The following SDK2 variants were observed in gnomAD, a reference collection of about 807,000 sequenced individuals.
The protein encoded by SDK2 is sidekick cell adhesion molecule 2.
SDK2 carries 105 observed loss-of-function variants against 253.9 expected under a neutral mutation model. The observed-to-expected ratio is 0.41, with a 90% CI of 0.35 to 0.49. The LOEUF (loss-of-function observed/expected upper bound fraction) is 0.49, where lower values mean the gene tolerates loss of function less well. SDK2 is among the 20% of genes least tolerant of loss of function. The pLI, the probability that SDK2 is intolerant of heterozygous loss-of-function variation, is 0.06. For synonymous variants in SDK2, 1,249 were observed against 1,234.9 expected, an observed-to-expected ratio of 1.01 and a Z score of -0.24; for missense variants, 2,608 against 3,003.0, an observed-to-expected ratio of 0.87 and a Z score of 3.07.
chr17:73,351,612 A>G (rs143207123), intron 41 of SDK2, among the ~76,000 whole-genome samples: 58 of 152,144 alleles, frequency 3.8e-4, no homozygotes, highest in Non-Finnish European at 6.6e-4. Context: ...AAAAGGTGAA[A>G]GATTTACACG....
chr17:73,560,729 A>T (rs528228637), intron 1 of SDK2, among the ~76,000 whole-genome samples: 88 of 152,228 alleles, frequency 5.8e-4, no homozygotes, highest in African/African-American at 1.9e-3. Context: ...GAACTTCAAA[A>T]TCCAAGCACC....
In SDK2 at chr17:73,467,896, A is replaced by G. The variant is rs1396631396; in HGVS notation, c.331+4216T>C. On this transcript the variant is annotated intron_variant, in intron 3 of 44. Transcript: ENST00000392650. The surrounding 1 kb of genome is among the most constrained non-coding windows in gnomAD (Gnocchi z 4.1). ...TTTCAGGGAGCTGCAGCTGGTGGACAGGGGGAGGTTAACCTGGGTCTCTCT... is the reference window on the plus strand; with the variant it reads ...TTTCAGGGAGCTGCAGCTGGTGGACGGGGGGAGGTTAACCTGGGTCTCTCT... 6.6e-6 allele frequency among the ~76,000 whole-genome samples: 1 copy of G among 152,154 alleles called. No homozygotes were observed. Among genetic ancestry groups the G allele is most frequent in the Non-Finnish European group, 1.5e-5 (1 of 68,014 alleles).
At chr17:73,457,023 C>T (rs1040346773) in intron 3 of SDK2, among the ~76,000 whole-genome samples, 3 of 152,178 alleles carry the variant, frequency 2.0e-5, no homozygotes, top group Admixed American at 6.5e-5. Flanking sequence ...GGATCAGAAG[C>T]AGCATTTTAG....
chr17:73,630,491 TC>T (rs2046255453), intron 1 of SDK2, among the ~76,000 whole-genome samples: 2 of 149,520 alleles, frequency 1.3e-5, no homozygotes, highest in Non-Finnish European at 3.0e-5. Context: ...ACCCCCAGGT[TC>T]CCCCAGGGCC....
chr17:73,468,513 T>C (rs1170303982), intron 3 of SDK2, among the ~76,000 whole-genome samples: 1 of 152,032 alleles, frequency 6.6e-6, no homozygotes, highest in East Asian at 1.9e-4. Context: ...TCCACTCTTT[T>C]TATTTTATTT....
At chr17:73,363,898 CT>C (rs1180863543) in intron 38 of SDK2, among the ~76,000 whole-genome samples, 1 of 152,032 alleles carries the variant, frequency 6.6e-6, no homozygotes, top group African/African-American at 2.4e-5. Context: ...TGGCTCCCCC[CT>C]GGTGTTCTAA....
chr17:73,368,614 G>A (rs376634726), intron 36 of SDK2, 21 bp from the exon 37 acceptor site: 175 of 1,526,900 alleles, frequency 1.1e-4, no homozygotes, highest in Middle Eastern at 1.9e-4. Flanking sequence ...AGAAGGATGT[G>A]GGAGTGAGGG....
intron 3 of SDK2, among the ~76,000 whole-genome samples, chr17:73,460,725 T>C (rs1425258275): frequency 6.6e-6 from 1 of 152,210 alleles, no homozygotes; most frequent in African/African-American, 2.4e-5. Flanking sequence ...TACAATAACA[T>C]GACAATCTCA....
At position 73,349,514 on chromosome 17, in the gene SDK2, G is replaced by C. The variant is rs554594385; in HGVS notation, c.6038+723C>G. On this transcript the variant is annotated intron_variant, in intron 43 of 44. Transcript: ENST00000392650. ...ACCGCCACACATCAGGGGAGGGTCAGGTGGGCCCCAGCAGCTGCTCCTGCC... is the reference window on the plus strand; with the variant it reads ...ACCGCCACACATCAGGGGAGGGTCACGTGGGCCCCAGCAGCTGCTCCTGCC... Among the ~76,000 whole-genome samples the C allele has an allele frequency of 2.6e-5, 4 of 152,368 alleles. No individual in the cohort carries two copies. The South Asian group carries it at 8.3e-4, about 32-fold the overall frequency.
chr17:73,358,028 A>G lies in SDK2; in HGVS notation c.5593+51T>C, dbSNP rs746938622. The G allele has an allele frequency of 5.6e-6, 9 of 1,610,436 alleles. No homozygotes were observed. The South Asian group carries it at 6.6e-5, about 12-fold the overall frequency. ...GTGCCCCAAGTGGAGGGACCCAGGA[A>G]GAAGGGAGATAATGAGCTGTGGGGT... On this transcript the variant is annotated intron_variant, in intron 40 of 44. Transcript: ENST00000392650.
intron 2 of SDK2, among the ~76,000 whole-genome samples, chr17:73,506,896 G>A (rs748198908): frequency 2.6e-5 from 4 of 152,226 alleles, no homozygotes; most frequent in Non-Finnish European, 2.9e-5. Flanking sequence ...GGCCAGTCAG[G>A]CCCAAGAGCT....
intron 1 of SDK2, among the ~76,000 whole-genome samples, chr17:73,558,201 G>A (rs1312546841): frequency 6.6e-6 from 1 of 152,226 alleles, no homozygotes; most frequent in Non-Finnish European, 1.5e-5. Context: ...GATTGATGGG[G>A]AGTAAAGACT....
At chr17:73,555,785 A>C (rs1415015563) in intron 1 of SDK2, among the ~76,000 whole-genome samples, 1 of 152,226 alleles carries the variant, frequency 6.6e-6, no homozygotes, top group Non-Finnish European at 1.5e-5. Context: ...AATATTCTGC[A>C]GAGGGGATCA....
chr17:73,338,047 C>T lies in SDK2; in HGVS notation c.*540G>A, dbSNP rs775288479. 2.1e-5 allele frequency: 4 copies of T among 186,332 alleles called. No homozygotes were observed. Among genetic ancestry groups the T allele is most frequent in the South Asian group, 9.2e-5 (1 of 10,900 alleles). 11.5% of individuals were successfully genotyped at this position (186,332 alleles called of 1,614,324 possible). A position where few individuals can be genotyped will look rare whatever the true frequency, so the allele number is the denominator to read the frequency against. ...GGCAGGGGGTCTGGATGAGGCTGTC[C>T]GATGCCTGCCAGCCACAGTGATGGT... On this transcript the variant is annotated 3_prime_UTR_variant, in exon 45 of 45. Transcript: ENST00000392650. This position sits in a 1 kb window ranked among gnomAD's most constrained non-coding sequence, Gnocchi z 5.0.
At chr17:73,489,987 G>A (rs1439337098) in intron 2 of SDK2, among the ~76,000 whole-genome samples, 1 of 152,134 alleles carries the variant, frequency 6.6e-6, no homozygotes, top group Non-Finnish European at 1.5e-5. Flanking sequence ...GCAAAGAGTG[G>A]ATTTACCATC....
chr17:73,610,090 TG>T (rs573316027), intron 1 of SDK2, among the ~76,000 whole-genome samples: 265 of 152,220 alleles, frequency 1.7e-3, no homozygotes, highest in African/African-American at 6.2e-3. Context: ...TCCACGTCCC[TG>T]GGGAGATGAC....
intron 2 of SDK2, among the ~76,000 whole-genome samples, chr17:73,493,650 A>C (rs1237659814): frequency 6.6e-6 from 1 of 152,242 alleles, no homozygotes; most frequent in Non-Finnish European, 1.5e-5. Flanking sequence ...GGAGGCATTA[A>C]GTGTTTTGTA....
chr17:73,514,709 C>T (rs74697820), intron 1 of SDK2, among the ~76,000 whole-genome samples: 9 of 152,150 alleles, frequency 5.9e-5, no homozygotes, highest in Admixed American at 2.6e-4. Context: ...TCTCTTTTTG[C>T]GGCTTCTTCT....
At chr17:73,573,787 C>T (rs570454591) in intron 1 of SDK2, among the ~76,000 whole-genome samples, 12 of 152,378 alleles carry the variant, frequency 7.9e-5, no homozygotes, top group African/African-American at 2.6e-4. Flanking sequence ...CTGCCACTCA[C>T]ACCCAGTCAA....
Sources: allele counts gnomAD v4.1 joint callset (sites outside exome capture counted in the v4.1 genomes callset), GRCh38; gene constraint gnomAD v4.1.1; non-coding constraint Gnocchi (gnomAD v3.1); transcripts MANE v1.5; gene names NCBI Gene and HGNC (gene_info 2026-07-23, HGNC 2026-07-21).